CAMTA1: variants seen among roughly 807,000 people sequenced by gnomAD.
CAMTA1 encodes the protein calmodulin binding transcription activator 1.
Under a neutral mutation model 170.9 loss-of-function variants are expected in CAMTA1, and 27 were observed. The observed-to-expected ratio is 0.16, with a 90% CI of 0.12 to 0.22. The LOEUF (loss-of-function observed/expected upper bound fraction) is 0.22. Ranked by LOEUF, CAMTA1 falls within the 10% of genes least tolerant of loss-of-function variation. CAMTA1 has a pLI of 1.00. For synonymous variants in CAMTA1, 833 were observed against 891.5 expected (o/e 0.93, Z 1.17); for missense variants, 1,619 against 2,217.2 (o/e 0.73, Z 5.42).
At chr1:7,645,776 G>C (rs1245593594) in intron 7 of CAMTA1, among the ~76,000 whole-genome samples, 1 of 152,274 alleles carries the variant, frequency 6.6e-6, no homozygotes, top group Non-Finnish European at 1.5e-5. Flanking sequence ...AGGGCTGGCT[G>C]TGGAATCAGC....
chr1:6,972,384 T>G (rs1252225734), intron 3 of CAMTA1, among the ~76,000 whole-genome samples: 1 of 152,214 alleles, frequency 6.6e-6, no homozygotes, highest in Non-Finnish European at 1.5e-5. Flanking sequence ...AATATTGATT[T>G]GACATTCGAC....
intron 4 of CAMTA1, among the ~76,000 whole-genome samples, chr1:7,159,479 C>T (rs532259541): frequency 4.6e-5 from 7 of 152,162 alleles, no homozygotes; most frequent in South Asian, 4.1e-4. Flanking sequence ...GTGTGCCTTC[C>T]GTTCTCCACC....
intron 3 of CAMTA1, among the ~76,000 whole-genome samples, chr1:6,885,040 T>TGGA (rs2149097411): frequency 6.6e-6 from 1 of 152,336 alleles, no homozygotes; most frequent in East Asian, 1.9e-4. Flanking sequence ...AGGAAGTGTA[T>TGGA]GGATACCAAG....
Position 7,736,602 on chromosome 1 carries a change from G to A in CAMTA1, c.3263+62G>A, listed in dbSNP as rs1204861597. On this transcript the variant is annotated intron_variant, in intron 13 of 22. Transcript: ENST00000303635. This position sits in a 1 kb window ranked among gnomAD's most constrained non-coding sequence, Gnocchi z 4.5. ...GCACATCCTCGCTCACATTCTTCCTGAGCACTGCCACCCGTGGAAGAAATC... is the reference window on the plus strand; with the variant it reads ...GCACATCCTCGCTCACATTCTTCCTAAGCACTGCCACCCGTGGAAGAAATC... 14 of 1,496,748 alleles carry A rather than the reference G, an allele frequency of 9.4e-6. No homozygotes were observed. Among genetic ancestry groups the A allele is most frequent in the East Asian group, 4.5e-5 (2 of 44,104 alleles). The allele number at this position is 1,496,748 out of a possible 1,614,324, so 92.7% of individuals were successfully genotyped here.
chr1:7,411,488 G>A (rs1177705440), intron 5 of CAMTA1, among the ~76,000 whole-genome samples: 10 of 139,730 alleles, frequency 7.2e-5, no homozygotes, highest in Admixed American at 3.9e-4. Flanking sequence ...GCAGTGAGCC[G>A]AGATTGCACC....
intron 3 of CAMTA1, among the ~76,000 whole-genome samples, chr1:6,929,436 C>T (rs535957007): frequency 6.6e-6 from 1 of 152,040 alleles, no homozygotes; most frequent in Admixed American, 6.5e-5. Flanking sequence ...GATCTCAGCT[C>T]ACTGCTAGCT....
chr1:6,868,614 C>G (rs763269980), intron 3 of CAMTA1, among the ~76,000 whole-genome samples: 6 of 149,710 alleles, frequency 4.0e-5, no homozygotes, highest in African/African-American at 9.8e-5. Context: ...ATTCCCTGTG[C>G]TTAAAGTACT....
chr1:7,288,633 G>A (rs1672674835), intron 5 of CAMTA1, among the ~76,000 whole-genome samples: 1 of 152,166 alleles, frequency 6.6e-6, no homozygotes, highest in South Asian at 2.1e-4. Flanking sequence ...AGGAAGAGTT[G>A]GTGAATTGTG....
chr1:7,431,773 C>G (rs1208103324), intron 5 of CAMTA1, among the ~76,000 whole-genome samples: 1 of 152,198 alleles, frequency 6.6e-6, no homozygotes, highest in Non-Finnish European at 1.5e-5. Flanking sequence ...TTCAAACTGC[C>G]TCTTCCCTGC....
At chr1:7,317,086 C>T (rs1017564317) in intron 5 of CAMTA1, among the ~76,000 whole-genome samples, 6 of 152,172 alleles carry the variant, frequency 3.9e-5, no homozygotes, top group African/African-American at 1.4e-4. Context: ...CTGTAGGGAG[C>T]ACAGCCCCTC....
intron 3 of CAMTA1, among the ~76,000 whole-genome samples, chr1:6,860,280 T>C (rs1664174717): frequency 6.6e-6 from 1 of 152,228 alleles, no homozygotes; most frequent in Admixed American, 6.5e-5. Flanking sequence ...CCCTAGATTT[T>C]CTTCTTTGTT....
intron 4 of CAMTA1, among the ~76,000 whole-genome samples, chr1:7,116,181 A>G (rs1389184907): frequency 6.6e-6 from 1 of 151,904 alleles, no homozygotes; most frequent in African/African-American, 2.4e-5. Context: ...TTCAACCACC[A>G]TCTCTTGACG....
intron 16 of CAMTA1, among the ~76,000 whole-genome samples, chr1:7,739,267 C>A (rs2096793149): frequency 6.6e-6 from 1 of 152,104 alleles, no homozygotes; most frequent in Non-Finnish European, 1.5e-5. Flanking sequence ...AGAAGTGATA[C>A]AAGGAGAGGG....
chr1:7,351,294 G>A (rs1006010678), intron 5 of CAMTA1, among the ~76,000 whole-genome samples: 5 of 152,246 alleles, frequency 3.3e-5, no homozygotes, highest in Non-Finnish European at 7.3e-5. Context: ...TCTTAGTGAC[G>A]CCACGCACTC....
chr1:7,607,033 G>T (rs1253584469), intron 6 of CAMTA1, among the ~76,000 whole-genome samples: 1 of 152,236 alleles, frequency 6.6e-6, no homozygotes, highest in African/African-American at 2.4e-5. Flanking sequence ...AACAACAGGT[G>T]CTCAATACAT....
intron 5 of CAMTA1, among the ~76,000 whole-genome samples, chr1:7,465,922 A>C (rs1193240): frequency 0.62 from 94,218 of 152,096 alleles, 30,666 homozygotes; most frequent in African/African-American, 0.81. Flanking sequence ...GTGAAGAGGG[A>C]AAGTCATTGC....
At chr1:7,615,318 C>G (rs554190853) in intron 6 of CAMTA1, among the ~76,000 whole-genome samples, 1 of 152,328 alleles carries the variant, frequency 6.6e-6, no homozygotes, top group Non-Finnish European at 1.5e-5. Context: ...CCACCAGTCC[C>G]TCCCTCCAAC....
At chr1:6,885,867 G>A (rs995980995) in intron 3 of CAMTA1, among the ~76,000 whole-genome samples, 2 of 151,972 alleles carry the variant, frequency 1.3e-5, no homozygotes, top group Non-Finnish European at 2.9e-5. Flanking sequence ...TTCTCTGCAC[G>A]AGTCCTTCCC....
At chr1:7,392,921 T>C (rs1045822341) in intron 5 of CAMTA1, among the ~76,000 whole-genome samples, 5 of 151,502 alleles carry the variant, frequency 3.3e-5, no homozygotes, top group African/African-American at 1.2e-4. Context: ...TGGTGGTTAG[T>C]GCACACCTGT....
Sources: gnomAD v4.1 joint callset for allele counts (sites outside exome capture counted in the v4.1 genomes callset) on GRCh38, gnomAD v4.1.1 for gene constraint, Gnocchi (gnomAD v3.1) non-coding constraint, MANE v1.5 for transcripts, NCBI Gene and HGNC (gene_info 2026-07-23, HGNC 2026-07-21) for gene names.